Variants in TLR5 observed in about 807,000 individuals in gnomAD.
TLR5 encodes the protein toll like receptor 5, also known as toll-like receptor 5.
For synonymous variants in TLR5, 373 were observed against 384.4 expected, an observed-to-expected ratio of 0.97 and a Z score of 0.35; for missense variants, 944 against 999.8, an observed-to-expected ratio of 0.94 and a Z score of 0.75.
chr1:223,115,991 C>T (rs1368480950), intron 5 of TLR5, among the ~76,000 whole-genome samples: 1 of 151,970 alleles, frequency 6.6e-6, no homozygotes, highest in Non-Finnish European at 1.5e-5. Context: ...ACCCTCTTCT[C>T]TCTGCTCTTA....
intron 1 of TLR5, 21 bp from the exon 2 acceptor site, chr1:223,141,784 C>CAT (rs142700046): frequency 1.9e-3 from 145 of 74,896 alleles, no homozygotes; most frequent in Non-Finnish European, 2.9e-3. Flanking sequence ...AAAAAAATTA[C>CAT]ATATATATAT....
intron 2 of TLR5, among the ~76,000 whole-genome samples, chr1:223,140,663 T>C (rs1393390161): frequency 6.6e-6 from 1 of 152,048 alleles, no homozygotes; most frequent in African/African-American, 2.4e-5. Flanking sequence ...TTGAATTGGC[T>C]CTGGGCAGCA....
chr1:223,129,974 G>A (rs1329217136), intron 5 of TLR5, among the ~76,000 whole-genome samples: 1 of 152,116 alleles, frequency 6.6e-6, no homozygotes, highest in East Asian at 1.9e-4. Flanking sequence ...ATAATACAAA[G>A]CACGTCTATT....
chr1:223,132,752 T>A (rs1258106606), intron 4 of TLR5, 113 bp from the exon 5 acceptor site: 1 of 152,336 alleles, frequency 6.6e-6, no homozygotes, highest in Non-Finnish European at 1.5e-5. Flanking sequence ...TTTCTGTGTA[T>A]CTCTACTAAA....
At chr1:223,126,270 T>C (rs1292057515) in intron 5 of TLR5, among the ~76,000 whole-genome samples, 1 of 152,188 alleles carries the variant, frequency 6.6e-6, no homozygotes, top group African/African-American at 2.4e-5. Flanking sequence ...AAATATTGCA[T>C]GAATCCACTT....
intron 4 of TLR5, among the ~76,000 whole-genome samples, chr1:223,134,145 C>G (rs5744152): frequency 6.7e-4 from 102 of 152,330 alleles, no homozygotes; most frequent in African/African-American, 2.4e-3. Flanking sequence ...CCCGCCGCCC[C>G]TACCCCGGCA....
rs1437317257 is a variant in TLR5 at position 223,137,177 on chromosome 1, C to A, written c.-353+1G>T. ...CAGTGAACCTGGGTCCAGAGAGATA[C>A]CTGGTTTGGTGACTGTGGAGAAGCC... On this transcript the variant is annotated splice_donor_variant, in intron 3 of 5. Coordinates refer to ENST00000642603, the MANE Select transcript of TLR5 (RefSeq NM_003268.6). LOFTEE classifies it low-confidence loss of function (5UTR_SPLICE). The A allele has an allele frequency of 1.3e-5, 2 of 152,202 alleles. No homozygotes were observed. The highest frequency in any genetic ancestry group is 2.9e-5 in the Non-Finnish European group (2 of 68,050). 9.4% of individuals were successfully genotyped at this position (152,202 alleles called of 1,614,324 possible).
Position 223,120,437 on chromosome 1 carries a change from A to G in TLR5, c.-4-7402T>C, listed in dbSNP as rs73118108. 8.1e-3 allele frequency among the ~76,000 whole-genome samples: 1,239 copies of G among 152,336 alleles called. 17 individuals carry two copies. The highest frequency in any genetic ancestry group is 0.029 in the African/African-American group (1,190 of 41,564). ...GTTGTCCTACCTTTCGGACAAACCA[A>G]TGCATACCCCACATAGACTGACTGA... On this transcript the variant is annotated intron_variant, in intron 5 of 5. Coordinates refer to ENST00000642603, the MANE Select transcript of TLR5 (RefSeq NM_003268.6).
At chr1:223,140,417 C>T (rs143821894) in intron 2 of TLR5, among the ~76,000 whole-genome samples, 8 of 151,998 alleles carry the variant, frequency 5.3e-5, no homozygotes, top group African/African-American at 1.7e-4. Flanking sequence ...CATGGTGGTA[C>T]GTGACTGTAG....
At position 223,112,509 on chromosome 1, in the gene TLR5, T is replaced by C; in HGVS notation, c.523A>G (p.Ile175Val). 1.9e-6 allele frequency: 3 copies of C among 1,614,252 alleles called. No homozygotes were observed. Among genetic ancestry groups the C allele is most frequent in the African/African-American group, 2.7e-5 (2 of 75,070 alleles). The change falls in exon 6 of 6, where the codon ATA (isoleucine) becomes GTA (valine). Residue 175 changes from isoleucine to valine, a missense_variant. Physicochemically the swap from Ile to Val is conservative, Grantham distance 29. Coordinates refer to ENST00000642603, the MANE Select transcript of TLR5 (RefSeq NM_003268.6). The part of the protein sequence containing the change: ...SFGKLNSLKS[I>V]DFSSNQIFLV... ...AATATTTGGTTGGAGGAAAAATCTA[T>C]GGACTTTAAGGAATTCAACTTCCCA...
chr1:223,140,870 C>T (rs552947863), intron 2 of TLR5, among the ~76,000 whole-genome samples: 14 of 152,318 alleles, frequency 9.2e-5, no homozygotes, highest in South Asian at 2.1e-4. Context: ...CACTTAATTG[C>T]GCTCTAATTG....
rs1045202639 is a variant in TLR5 at position 223,109,993 on chromosome 1, G to A, written c.*462C>T. On this transcript the variant is annotated 3_prime_UTR_variant, in exon 6 of 6. Transcript: ENST00000642603. ...CACTCAACAGTGGCATTGTTTCTGTGGCAAAAGAAGGAAATGTGCCTCTGC... is the reference window on the plus strand; with the variant it reads ...CACTCAACAGTGGCATTGTTTCTGTAGCAAAAGAAGGAAATGTGCCTCTGC... 16 of 197,480 alleles carry A rather than the reference G, an allele frequency of 8.1e-5. No homozygotes were observed. Among genetic ancestry groups the A allele is most frequent in the Non-Finnish European group, 1.6e-4 (15 of 96,120 alleles). 12.2% of individuals were successfully genotyped at this position (197,480 alleles called of 1,614,324 possible). A position where few individuals can be genotyped will look rare whatever the true frequency, so the allele number is the denominator to read the frequency against.
Position 223,123,294 on chromosome 1 carries a change from C to T in TLR5, c.-5+9181G>A, listed in dbSNP as rs1260577149. On this transcript the variant is annotated intron_variant, in intron 5 of 5. Coordinates refer to ENST00000642603, the MANE Select transcript of TLR5 (RefSeq NM_003268.6). ...TTTGTTTTTATGGATGACTCAATGC[C>T]GGTTCCCAAACATGCCACCAAACTG... is the stretch of plus-strand genomic sequence containing the variant. Among the ~76,000 whole-genome samples, 5 of 152,244 alleles carry T rather than the reference C, an allele frequency of 3.3e-5. No individual in the cohort carries two copies. The South Asian group carries it at 6.2e-4, about 19-fold the overall frequency.
chr1:223,110,871 C>T lies in TLR5; in HGVS notation c.2161G>A (p.Asp721Asn). Residue 721 changes from aspartate to asparagine, a missense_variant, in exon 6 of 6, where the codon GAC becomes AAC. By Grantham distance (23) the Asp-to-Asn change is conservative. Coordinates refer to ENST00000642603, the MANE Select transcript of TLR5 (RefSeq NM_003268.6). Reference sequence around the variant, plus strand: ...AAGCACAGGTTGAATCTGTTTTGGTCACTGTATTGAGTGTCCAGGTGTTTG... The same window carrying T: ...AAGCACAGGTTGAATCTGTTTTGGTTACTGTATTGAGTGTCCAGGTGTTTG... ...LLKHLDTQYS[D>N]QNRFNLCFEE... is the part of the protein sequence containing the mutation. 1 of 1,614,224 alleles carries T rather than the reference C, an allele frequency of 6.2e-7. No individual in the cohort carries two copies. The highest frequency in any genetic ancestry group is 1.1e-5 in the South Asian group (1 of 91,072).
intron 2 of TLR5, among the ~76,000 whole-genome samples, chr1:223,141,042 C>A (rs187101933): frequency 3.4e-4 from 52 of 152,346 alleles, no homozygotes; most frequent in African/African-American, 1.2e-3. Flanking sequence ...CTTCAGAAAT[C>A]TGATTGAAGC....
Position 223,133,869 on chromosome 1 carries a change from A to AG in TLR5, c.-170+812dup, listed in dbSNP as rs140260081. On this transcript the variant is annotated intron_variant, in intron 4 of 5. Coordinates refer to ENST00000642603, the MANE Select transcript of TLR5 (RefSeq NM_003268.6). ...GAGGGCGCAAAAGGGGCAGGGACCG[A>AG]GGGGGAGGAGCCCGCGGAGCCGCGG... Among the ~76,000 whole-genome samples the AG allele has an allele frequency of 2.9e-3, 449 of 152,256 alleles. 3 individuals are homozygous for AG. Among genetic ancestry groups the AG allele is most frequent in the African/African-American group, 0.01 (425 of 41,538 alleles).
At chr1:223,135,397 T>C (rs1203280375) in intron 3 of TLR5, among the ~76,000 whole-genome samples, 1 of 152,180 alleles carries the variant, frequency 6.6e-6, no homozygotes, top group Non-Finnish European at 1.5e-5. Context: ...CTATGCTCCA[T>C]TCTGAGTCAG....
chr1:223,139,894 CT>C (rs1159220200), intron 2 of TLR5, among the ~76,000 whole-genome samples: 1 of 152,194 alleles, frequency 6.6e-6, no homozygotes, highest in Non-Finnish European at 1.5e-5. Context: ...TCACTGTTAC[CT>C]ATAAGGGCTT....
intron 2 of TLR5, chr1:223,141,364 C>T (rs1657829283): frequency 6.6e-6 from 1 of 152,064 alleles, no homozygotes. Flanking sequence ...TTGCTTTGCT[C>T]AGAGCTGTAA....
Sources: gnomAD v4.1 joint callset for allele counts (sites outside exome capture counted in the v4.1 genomes callset) on GRCh38, gnomAD v4.1.1 for gene constraint, MANE v1.5 for transcripts, NCBI Gene and HGNC (gene_info 2026-07-23, HGNC 2026-07-21) for gene names.